GALNT10: variants seen among roughly 807,000 people sequenced by gnomAD.
GALNT10 encodes GalNAc transferase 10.
In GALNT10, 41 loss-of-function variants were observed where a neutral mutation model predicts 75.0. The ratio of observed to expected loss-of-function variants is 0.55; its 90% confidence interval spans 0.43 to 0.71. The LOEUF (loss-of-function observed/expected upper bound fraction) is 0.71, where lower values mean the gene tolerates loss of function less well. GALNT10 is among the 30% of genes least tolerant of loss of function. GALNT10 has a pLI of 0.00. For synonymous variants in GALNT10, 302 were observed against 313.0 expected (o/e 0.96, Z 0.37); for missense variants, 727 against 818.5 (o/e 0.89, Z 1.36).
intron 3 of GALNT10, among the ~76,000 whole-genome samples, chr5:154,302,897 T>C (rs2113084870): frequency 6.6e-6 from 1 of 152,234 alleles, no homozygotes; most frequent in African/African-American, 2.4e-5. Context: ...CAAAGTGTAA[T>C]AGAAGCAAGA....
chr5:154,402,632 C>T lies in GALNT10; in HGVS notation c.1057-1472C>T, dbSNP rs116469032. Among the ~76,000 whole-genome samples, 1,378 of 152,236 alleles carry T rather than the reference C, an allele frequency of 9.1e-3. 11 individuals carry two copies. The highest frequency in any genetic ancestry group is 0.041 in the South Asian group (196 of 4,824). ...GGTTTGATAGCTCCACCTTGGGTCT[C>T]GCATAGGAGAATAGTCAGGCCATGA... On this transcript the variant is annotated intron_variant, in intron 7 of 11. Transcript: ENST00000297107. The surrounding 1 kb of genome is among the most constrained non-coding windows in gnomAD (Gnocchi z 4.2).
chr5:154,261,570 G>A (rs1231731942), intron 1 of GALNT10, among the ~76,000 whole-genome samples: 2 of 152,298 alleles, frequency 1.3e-5, no homozygotes, highest in East Asian at 3.9e-4. Flanking sequence ...CCCTAGGTGA[G>A]AGTTTTATTC....
chr5:154,226,033 A>G (rs1048447638), intron 1 of GALNT10, among the ~76,000 whole-genome samples: 5 of 152,160 alleles, frequency 3.3e-5, no homozygotes, highest in Admixed American at 3.3e-4. Flanking sequence ...ACCTAATGTT[A>G]AATGACGAGT....
intron 4 of GALNT10, among the ~76,000 whole-genome samples, chr5:154,347,640 G>A (rs1189676657): frequency 2.6e-5 from 4 of 152,046 alleles, no homozygotes; most frequent in African/African-American, 9.7e-5. Context: ...GGGATTACAG[G>A]CGTGAGCCAC....
intron 1 of GALNT10, chr5:154,219,812 GCTCTCTCTCTCTCT>G (rs60804248): frequency 7.1e-6 from 1 of 140,800 alleles, no homozygotes. Context: ...ACTCTCTCGC[GCTCTCTCTCTCTCT>G]CTCTCTCTCT....
At chr5:154,312,212 G>A (rs560477694) in intron 3 of GALNT10, among the ~76,000 whole-genome samples, 1 of 152,270 alleles carries the variant, frequency 6.6e-6, no homozygotes, top group Admixed American at 6.5e-5. Flanking sequence ...CATTAAGATG[G>A]TATCAAGGGC....
intron 1 of GALNT10, among the ~76,000 whole-genome samples, chr5:154,249,598 G>A (rs946332011): frequency 1.3e-5 from 2 of 152,074 alleles, no homozygotes; most frequent in Non-Finnish European, 2.9e-5. Flanking sequence ...GTGGGTTTCA[G>A]GATAGATGGG....
chr5:154,276,970 C>T (rs2443526), intron 1 of GALNT10, among the ~76,000 whole-genome samples: 69,083 of 152,012 alleles, frequency 0.45, 16,972 homozygotes, highest in East Asian at 0.85. Flanking sequence ...AAACACAGAA[C>T]GGAACTGAAT....
intron 7 of GALNT10, 112 bp downstream of exon 7, chr5:154,386,542 G>A (rs1755809769): frequency 7.0e-6 from 4 of 568,374 alleles, no homozygotes; most frequent in South Asian, 4.5e-5. Flanking sequence ...TCAGGGTTCT[G>A]TAGCCCTTCT....
chr5:154,399,183 C>T (rs559937354), intron 7 of GALNT10, among the ~76,000 whole-genome samples: 1 of 152,250 alleles, frequency 6.6e-6, no homozygotes, highest in East Asian at 1.9e-4. Flanking sequence ...TCTGCAGTGT[C>T]TGTCTGGGTC....
intron 4 of GALNT10, among the ~76,000 whole-genome samples, chr5:154,340,425 A>C (rs1260726905): frequency 2.0e-5 from 3 of 152,162 alleles, no homozygotes; most frequent in Non-Finnish European, 4.4e-5. Context: ...AATCCAAGAG[A>C]TTCCCCTTCT....
At chr5:154,247,055 A>G (rs550162436) in intron 1 of GALNT10, among the ~76,000 whole-genome samples, 34 of 152,352 alleles carry the variant, frequency 2.2e-4, no homozygotes, top group African/African-American at 7.0e-4. Context: ...AGCACCATGT[A>G]TTAAATAGGG....
At chr5:154,289,696 T>C (rs1225572030) in intron 1 of GALNT10, among the ~76,000 whole-genome samples, 1 of 152,230 alleles carries the variant, frequency 6.6e-6, no homozygotes, top group Non-Finnish European at 1.5e-5. Flanking sequence ...ATGTGTTTTC[T>C]AAAAAAGGTA....
At chr5:154,288,306 T>C (rs976443427) in intron 1 of GALNT10, among the ~76,000 whole-genome samples, 2 of 152,180 alleles carry the variant, frequency 1.3e-5, no homozygotes, top group African/African-American at 4.8e-5. Flanking sequence ...AAATCTTCCT[T>C]CTTGAGCAGA....
chr5:154,329,374 G>T, intron 3 of GALNT10, 198 bp from the exon 4 acceptor site: 2 of 592,816 alleles, frequency 3.4e-6, no homozygotes, highest in Non-Finnish European at 6.0e-6. Flanking sequence ...CGCGTGTGCT[G>T]TATATGCAGA....
At chr5:154,357,580 C>A (rs10053802) in intron 4 of GALNT10, among the ~76,000 whole-genome samples, 1 of 151,894 alleles carries the variant, frequency 6.6e-6, no homozygotes, top group Non-Finnish European at 1.5e-5. Flanking sequence ...CCTTATTTGG[C>A]CTTCAAAATA....
At chr5:154,406,314 C>T (rs955805802) in intron 8 of GALNT10, 1 of 152,224 alleles carries the variant, frequency 6.6e-6, no homozygotes, top group Non-Finnish European at 1.5e-5. Context: ...ACTGAAGCAT[C>T]GTCCTGTGTT....
intron 6 of GALNT10, among the ~76,000 whole-genome samples, chr5:154,383,326 T>C (rs1245529301): frequency 6.6e-6 from 1 of 152,158 alleles, no homozygotes; most frequent in Non-Finnish European, 1.5e-5. Flanking sequence ...AAAGACATGG[T>C]TTCAGTGGCA....
intron 1 of GALNT10, chr5:154,220,607 C>A (rs185459578): frequency 4.5e-4 from 69 of 152,300 alleles, no homozygotes; most frequent in African/African-American, 1.6e-3. Flanking sequence ...ACAGACCTTC[C>A]GCTGGAATAT....
Sources: allele counts gnomAD v4.1 joint callset (sites outside exome capture counted in the v4.1 genomes callset), GRCh38; gene constraint gnomAD v4.1.1; non-coding constraint Gnocchi (gnomAD v3.1); transcripts MANE v1.5; gene names NCBI Gene and HGNC (gene_info 2026-07-23, HGNC 2026-07-21).